IL7: variants seen among roughly 807,000 people sequenced by gnomAD.
The protein encoded by IL7 is interleukin-7.
IL7 carries 3 observed loss-of-function variants against 21.6 expected under a neutral mutation model. The observed-to-expected ratio is 0.14, with a 90% CI of 0.06 to 0.36. IL7 has a LOEUF of 0.36. Among genes scored for constraint, IL7 ranks in the 10% least tolerant of loss-of-function variants. The pLI is 1.00. For synonymous variants in IL7, 62 were observed against 68.1 expected (o/e 0.91, Z 0.44); for missense variants, 175 against 200.2 (o/e 0.87, Z 0.76).
At chr8:78,710,331 A>G (rs1318007838) in intron 3 of IL7, among the ~76,000 whole-genome samples, 1 of 152,184 alleles carries the variant, frequency 6.6e-6, no homozygotes, top group African/African-American at 2.4e-5. Flanking sequence ...GAATGTTATA[A>G]TACAAGTATG....
intron 3 of IL7, chr8:78,711,944 A>G (rs1810962299): frequency 8.6e-7 from 1 of 1,165,586 alleles, no homozygotes; most frequent in African/African-American, 1.6e-5. Flanking sequence ...TATATAAAGA[A>G]GCAGTAGCAA....
chr8:78,762,043 T>G, intron 2 of IL7: 1 of 1,601,774 alleles, frequency 6.2e-7, no homozygotes, highest in Non-Finnish European at 8.5e-7. Context: ...TTTCTTTATG[T>G]TTTTGTTCCT....
Position 78,760,940 on chromosome 8 carries a change from A to G in IL7, c.148-20858T>C. 10 of 1,558,220 alleles carry G rather than the reference A, an allele frequency of 6.4e-6. No homozygotes were observed. In the South Asian group the frequency reaches 1.2e-4, roughly 19 times the overall value. ...GGTTTGCCCCTGGAGGTTTTTCCCA[A>G]AGGCTCTTGTAAAAGATAGGACATT... is the stretch of plus-strand genomic sequence containing the variant. On this transcript the variant is annotated intron_variant, in intron 2 of 5. Coordinates refer to ENST00000263851, the MANE Select transcript of IL7 (RefSeq NM_000880.4).
At chr8:78,724,409 A>G (rs2130639150) in intron 3 of IL7, among the ~76,000 whole-genome samples, 1 of 152,106 alleles carries the variant, frequency 6.6e-6, no homozygotes, top group East Asian at 1.9e-4. Flanking sequence ...TTGCCTATTT[A>G]AAGCTTAATT....
chr8:78,676,868 T>C (rs993769891), intron 4 of IL7, among the ~76,000 whole-genome samples: 7 of 152,040 alleles, frequency 4.6e-5, no homozygotes, highest in African/African-American at 1.7e-4. Context: ...AACTTAATGA[T>C]GTTATTATAA....
intron 2 of IL7, among the ~76,000 whole-genome samples, chr8:78,749,740 G>A (rs1812105336): frequency 6.6e-6 from 1 of 152,142 alleles, no homozygotes; most frequent in Admixed American, 6.5e-5. Flanking sequence ...AGTATCAGAT[G>A]AGAAAGTCCT....
At chr8:78,761,460 C>G (rs1411646824) in intron 2 of IL7, 6 of 1,610,340 alleles carry the variant, frequency 3.7e-6, no homozygotes, top group South Asian at 1.1e-5. Context: ...CGACAATACT[C>G]CATATTTAAT....
chr8:78,686,566 G>T, intron 3 of IL7: 2 of 1,531,976 alleles, frequency 1.3e-6, no homozygotes, highest in Non-Finnish European at 1.8e-6. Context: ...CCTCAAAGAG[G>T]GTGGCAAACT....
In IL7 at chr8:78,733,579, T is replaced by A; in HGVS notation, c.*134A>T. On this transcript the variant is annotated 3_prime_UTR_variant, in exon 6 of 6. Coordinates refer to ENST00000263851, the MANE Select transcript of IL7 (RefSeq NM_000880.4). ...AGTAATACAATATGCATTTCTCAAA[T>A]GCCCTAATCCGTTTTGACCATGGTG... The A allele has an allele frequency of 1.2e-6, 1 of 838,546 alleles. No homozygotes were observed. The highest frequency in any genetic ancestry group is 1.8e-6 in the Non-Finnish European group (1 of 540,874). The allele number at this position is 838,546 out of a possible 1,614,324, so 51.9% of individuals were successfully genotyped here.
chr8:78,789,406 ATTAT>A (rs1195787276), intron 2 of IL7, among the ~76,000 whole-genome samples: 13 of 152,306 alleles, frequency 8.5e-5, no homozygotes, highest in Admixed American at 5.9e-4. Flanking sequence ...GTTAACTACA[ATTAT>A]TTAAACATTG....
At chr8:78,721,106 T>C (rs1005264567) in exon 5 of IL7, 7 of 151,996 alleles carry the variant, frequency 4.6e-5, no homozygotes, top group Admixed American at 4.6e-4. Context: ...TGCCCTCAAG[T>C]TGATACAATT....
intron 2 of IL7, among the ~76,000 whole-genome samples, chr8:78,786,800 C>T (rs746798566): frequency 6.6e-6 from 1 of 152,156 alleles, no homozygotes; most frequent in Non-Finnish European, 1.5e-5. Flanking sequence ...TGGTATCTGG[C>T]AGCCCCTAGG....
chr8:78,717,651 T>C (rs1445029111), downstream of IL7: 10 of 688,036 alleles, frequency 1.5e-5, no homozygotes, highest in Non-Finnish European at 2.1e-5. Flanking sequence ...ATAATGTGTG[T>C]ATGTTTATAT....
chr8:78,706,991 T>A (rs1810794081), intron 3 of IL7, among the ~76,000 whole-genome samples: 1 of 152,026 alleles, frequency 6.6e-6, no homozygotes, highest in Admixed American at 6.6e-5. Context: ...TATCAGTAGA[T>A]CAGGTAGTTG....
intron 2 of IL7, among the ~76,000 whole-genome samples, chr8:78,751,201 A>C (rs1812159747): frequency 1.3e-5 from 2 of 152,136 alleles, no homozygotes; most frequent in Non-Finnish European, 2.9e-5. Context: ...AGAGACAGAA[A>C]AAGAAAAATC....
intron 6 of IL7, chr8:78,718,658 C>T (rs1189393972): frequency 6.6e-6 from 1 of 151,768 alleles, no homozygotes; most frequent in African/African-American, 2.4e-5. Context: ...AATTGACTTA[C>T]CTAATTAAAC....
chr8:78,742,981 T>G (rs760038639), intron 2 of IL7, among the ~76,000 whole-genome samples: 12 of 152,186 alleles, frequency 7.9e-5, no homozygotes, highest in African/African-American at 1.2e-4. Flanking sequence ...ACATGTGGTA[T>G]TTGGTTTTCT....
chr8:78,721,794 G>A (rs1378423987), intron 3 of IL7, among the ~76,000 whole-genome samples: 3 of 151,956 alleles, frequency 2.0e-5, no homozygotes, highest in East Asian at 1.9e-4. Context: ...TACAACATTT[G>A]TGCTTCATAA....
At chr8:78,751,698 A>C (rs959563937) in intron 2 of IL7, among the ~76,000 whole-genome samples, 3 of 152,212 alleles carry the variant, frequency 2.0e-5, no homozygotes, top group Non-Finnish European at 4.4e-5. Context: ...GTGATATACA[A>C]TGTGTAATGA....
Sources: gnomAD v4.1 joint callset for allele counts (sites outside exome capture counted in the v4.1 genomes callset) on GRCh38, gnomAD v4.1.1 for gene constraint, MANE v1.5 for transcripts, NCBI Gene and HGNC (gene_info 2026-07-23, HGNC 2026-07-21) for gene names.